Variants in ADGRL3 observed in about 807,000 individuals in gnomAD.
ADGRL3 encodes calcium-independent alpha-latrotoxin receptor 3.
A neutral mutation model predicts 153.5 loss-of-function variants in ADGRL3; 62 were observed. That is an observed-to-expected ratio of 0.40 (90% CI 0.33 to 0.50). The LOEUF (loss-of-function observed/expected upper bound fraction) is 0.50. Among genes scored for constraint, ADGRL3 ranks in the 20% least tolerant of loss-of-function variants. The pLI, the probability that ADGRL3 is intolerant of heterozygous loss-of-function variation, is 0.47. For synonymous variants in ADGRL3, 710 were observed against 672.5 expected, an observed-to-expected ratio of 1.06 and a Z score of -0.86; for missense variants, 1,641 against 1,859.4, an observed-to-expected ratio of 0.88 and a Z score of 2.16.
chr4:61,592,786 A>G (rs1385794459), intron 5 of ADGRL3, among the ~76,000 whole-genome samples: 2 of 152,180 alleles, frequency 1.3e-5, no homozygotes, highest in Non-Finnish European at 2.9e-5. Context: ...TAAAAAATTT[A>G]GTAAATGATT....
chr4:61,639,805 T>C (rs1338260925), intron 5 of ADGRL3, among the ~76,000 whole-genome samples: 1 of 152,190 alleles, frequency 6.6e-6, no homozygotes, highest in East Asian at 1.9e-4. Flanking sequence ...ACTTCAATCA[T>C]ATAGCCCATA....
chr4:62,023,785 A>G lies in ADGRL3; in HGVS notation c.3396-5070A>G, dbSNP rs372197664. Among the ~76,000 whole-genome samples, 23 of 152,326 alleles carry G rather than the reference A, an allele frequency of 1.5e-4. No homozygotes were observed. In the South Asian group the frequency reaches 2.7e-3, roughly 18 times the overall value. Reference sequence around the variant, plus strand: ...TCTATTGCGTGCTTAATAGACTACAATATAATGTAAACATAACTTTTATAC... The same window carrying G: ...TCTATTGCGTGCTTAATAGACTACAGTATAATGTAAACATAACTTTTATAC... On this transcript the variant is annotated intron_variant, in intron 21 of 26. Coordinates refer to ENST00000683033, the MANE Select transcript of ADGRL3 (RefSeq NM_001387552.1).
chr4:61,459,112 TAA>T (rs774125072), intron 2 of ADGRL3, among the ~76,000 whole-genome samples: 51 of 151,722 alleles, frequency 3.4e-4, no homozygotes, highest in Non-Finnish European at 5.6e-4. Flanking sequence ...AATGTGTACT[TAA>T]GTTTTCAAAA....
At chr4:61,313,030 T>C (rs911534472) in intron 1 of ADGRL3, among the ~76,000 whole-genome samples, 2 of 152,142 alleles carry the variant, frequency 1.3e-5, no homozygotes, top group Non-Finnish European at 2.9e-5. Flanking sequence ...CAATGGTGTG[T>C]TATTCAGAGA....
chr4:61,314,248 T>C (rs1381142581), intron 1 of ADGRL3, among the ~76,000 whole-genome samples: 1 of 151,888 alleles, frequency 6.6e-6, no homozygotes, highest in Non-Finnish European at 1.5e-5. Flanking sequence ...TCGCTCTTGT[T>C]GCCCAGGCTA....
intron 2 of ADGRL3, among the ~76,000 whole-genome samples, chr4:61,384,466 G>T (rs1287827003): frequency 6.6e-6 from 1 of 150,538 alleles, no homozygotes; most frequent in Non-Finnish European, 1.5e-5. Context: ...ATGTGTAATA[G>T]ATATATGTAT....
intron 6 of ADGRL3, among the ~76,000 whole-genome samples, chr4:61,701,788 T>C (rs2095766489): frequency 6.6e-6 from 1 of 152,030 alleles, no homozygotes; most frequent in Admixed American, 6.6e-5. Context: ...AGGCACCTTC[T>C]TTTTTTAATC....
chr4:61,563,633 G>T (rs946087152), intron 4 of ADGRL3, among the ~76,000 whole-genome samples: 5 of 152,216 alleles, frequency 3.3e-5, no homozygotes. Flanking sequence ...TTAGATAACT[G>T]TTCTGGGTAA....
At chr4:61,869,409 T>C (rs945301936) in intron 9 of ADGRL3, among the ~76,000 whole-genome samples, 2 of 150,102 alleles carry the variant, frequency 1.3e-5, no homozygotes, top group Non-Finnish European at 3.0e-5. Context: ...CCATCCTGGC[T>C]AACAAGGTGA....
intron 21 of ADGRL3, among the ~76,000 whole-genome samples, chr4:62,025,151 T>C (rs1239530883): frequency 6.6e-6 from 1 of 152,116 alleles, no homozygotes; most frequent in Non-Finnish European, 1.5e-5. Context: ...GTTTAGATTT[T>C]TTTTCTGCTC....
At chr4:61,560,088 A>G (rs1313855586) in intron 4 of ADGRL3, among the ~76,000 whole-genome samples, 2 of 152,214 alleles carry the variant, frequency 1.3e-5, no homozygotes, top group East Asian at 1.9e-4. Context: ...TTTTCTGACC[A>G]GAGAGCATTA....
chr4:61,647,914 C>T (rs931908540), intron 5 of ADGRL3, among the ~76,000 whole-genome samples: 1 of 152,058 alleles, frequency 6.6e-6, no homozygotes, highest in Non-Finnish European at 1.5e-5. Context: ...AGATTGTAAA[C>T]TTTCTCCAAA....
intron 1 of ADGRL3, among the ~76,000 whole-genome samples, chr4:61,322,330 C>T (rs544176124): frequency 2.0e-5 from 3 of 152,284 alleles, no homozygotes; most frequent in Admixed American, 6.5e-5. Flanking sequence ...CAAACCATAT[C>T]GTTCCACCCC....
chr4:62,028,511 C>A (rs1371726533), intron 21 of ADGRL3, among the ~76,000 whole-genome samples: 1 of 151,636 alleles, frequency 6.6e-6, no homozygotes, highest in Admixed American at 6.6e-5. Flanking sequence ...TGCCCCCAAG[C>A]CTTTCCAAGA....
chr4:61,885,260 G>C (rs897515693), intron 9 of ADGRL3, among the ~76,000 whole-genome samples: 4 of 151,994 alleles, frequency 2.6e-5, no homozygotes, highest in Admixed American at 2.6e-4. Flanking sequence ...CCCAGGAGGC[G>C]GAGGTTGTGA....
Position 61,614,746 on chromosome 4 carries a change from C to T in ADGRL3, c.473+27306C>T, listed in dbSNP as rs1013647803. 1.8e-4 allele frequency among the ~76,000 whole-genome samples: 28 copies of T among 152,088 alleles called. 1 individual carries two copies. The highest frequency in any genetic ancestry group is 6.8e-4 in the African/African-American group (28 of 41,410). On this transcript the variant is annotated intron_variant, in intron 5 of 26. Coordinates refer to ENST00000683033, the MANE Select transcript of ADGRL3 (RefSeq NM_001387552.1). ...TAAAATAGAAGTCATAGCACCCACCCGCATCAGACACACTTATTTTACTCC... is the reference window on the plus strand; with the variant it reads ...TAAAATAGAAGTCATAGCACCCACCTGCATCAGACACACTTATTTTACTCC...
intron 1 of ADGRL3, among the ~76,000 whole-genome samples, chr4:61,365,840 G>A (rs2096385246): frequency 6.6e-6 from 1 of 152,142 alleles, no homozygotes; most frequent in African/African-American, 2.4e-5. Flanking sequence ...TGTATAGTTA[G>A]AATTCTATAT....
intron 1 of ADGRL3, among the ~76,000 whole-genome samples, chr4:61,236,598 AT>A (rs752414215): frequency 6.6e-6 from 1 of 152,094 alleles, no homozygotes; most frequent in Non-Finnish European, 1.5e-5. Context: ...TATGAAATAA[AT>A]TTTTTATGAG....
Position 61,345,480 on chromosome 4 carries a change from AT to A in ADGRL3, c.-239-37639del, listed in dbSNP as rs537712017. ...GACTGAGTTCTCACTCACTTAATTG[AT>A]TTTTGTTTTATAGAAAGTGTTTTGT... On this transcript the variant is annotated intron_variant, in intron 1 of 26. Transcript: ENST00000683033. Among the ~76,000 whole-genome samples, 161 of 152,192 alleles carry A rather than the reference AT, an allele frequency of 1.1e-3. 1 individual carries two copies. Among genetic ancestry groups the A allele is most frequent in the African/African-American group, 3.8e-3 (159 of 41,532 alleles).
Sources: gnomAD v4.1 joint callset for allele counts (sites outside exome capture counted in the v4.1 genomes callset) on GRCh38, gnomAD v4.1.1 for gene constraint, MANE v1.5 for transcripts, NCBI Gene and HGNC (gene_info 2026-07-23, HGNC 2026-07-21) for gene names.